CCDC3: variants seen among roughly 807,000 people sequenced by gnomAD.
The protein encoded by CCDC3 is coiled-coil domain containing 3.
In CCDC3, 24 loss-of-function variants were observed where a neutral mutation model predicts 21.4. The observed-to-expected ratio is 1.12, with a 90% CI of 0.81 to 1.58. CCDC3 has a LOEUF of 1.58. CCDC3 is among the 40% of genes most tolerant of loss of function. The probability of loss-of-function intolerance (pLI) is 0.00; values close to 1 mark genes in which losing one functional copy is unlikely to be tolerated. For synonymous variants in CCDC3, 186 were observed against 166.0 expected, an observed-to-expected ratio of 1.12 and a Z score of -0.93; for missense variants, 425 against 360.9, an observed-to-expected ratio of 1.18 and a Z score of -1.44.
chr10:12,898,844 C>G (rs1248829822), intron 2 of CCDC3, among the ~76,000 whole-genome samples, 165 bp from the exon 3 acceptor site: 6 of 152,192 alleles, frequency 3.9e-5, no homozygotes, highest in Non-Finnish European at 7.3e-5. Context: ...TGACATTCCC[C>G]GCCCTCCACC....
intron 3 of CCDC3, among the ~76,000 whole-genome samples, chr10:13,093,200 G>T (rs543012708): frequency 2.0e-5 from 3 of 152,122 alleles, no homozygotes; most frequent in Admixed American, 6.6e-5. Flanking sequence ...ACAGTTCCAC[G>T]TGGCTGGGGA....
chr10:12,969,603 T>C (rs890727219), intron 2 of CCDC3, among the ~76,000 whole-genome samples: 3 of 151,400 alleles, frequency 2.0e-5, no homozygotes, highest in Non-Finnish European at 4.4e-5. Flanking sequence ...TAAGTGTTTA[T>C]TGACAGATGA....
chr10:13,065,930 T>G (rs1324199861), intron 4 of CCDC3, among the ~76,000 whole-genome samples: 1 of 152,170 alleles, frequency 6.6e-6, no homozygotes, highest in Non-Finnish European at 1.5e-5. Flanking sequence ...ATTAATAAGT[T>G]CAGGAAAGAA....
At chr10:13,079,938 A>T (rs1837014851) in intron 3 of CCDC3, among the ~76,000 whole-genome samples, 1 of 152,250 alleles carries the variant, frequency 6.6e-6, no homozygotes, top group South Asian at 2.1e-4. Flanking sequence ...AGGGAACTCA[A>T]GAATGCAAAG....
chr10:13,049,689 T>C (rs748330519), exon 5 of CCDC3: 1 of 152,188 alleles, frequency 6.6e-6, no homozygotes, highest in Non-Finnish European at 1.5e-5. Flanking sequence ...AAGGGGAGTT[T>C]GGCAGCTGAA....
At chr10:13,093,780 T>G (rs1409081065) in intron 3 of CCDC3, among the ~76,000 whole-genome samples, 1 of 152,096 alleles carries the variant, frequency 6.6e-6, no homozygotes, top group African/African-American at 2.4e-5. Context: ...AAAAAATAAG[T>G]GAGATGGAAA....
intron 5 of CCDC3, among the ~76,000 whole-genome samples, chr10:13,039,109 C>G (rs908795628): frequency 4.6e-5 from 7 of 152,170 alleles, no homozygotes; most frequent in Non-Finnish European, 1.0e-4. Flanking sequence ...GGTCATCTAT[C>G]CATCCCTCTT....
At chr10:12,917,443 A>G (rs2439127) in intron 2 of CCDC3, among the ~76,000 whole-genome samples, 3 of 151,488 alleles carry the variant, frequency 2.0e-5, no homozygotes, top group African/African-American at 4.9e-5. Flanking sequence ...TGATCCGCCC[A>G]CCTCGGCCTC....
intron 1 of CCDC3, among the ~76,000 whole-genome samples, chr10:13,000,435 T>C (rs1202585619): frequency 6.6e-6 from 1 of 152,156 alleles, no homozygotes; most frequent in African/African-American, 2.4e-5. Flanking sequence ...CTTCAGAAGA[T>C]TCCAGTGGTC....
intron 5 of CCDC3, among the ~76,000 whole-genome samples, chr10:13,042,866 G>A (rs61235167): frequency 0.25 from 35,368 of 141,262 alleles, 4,695 homozygotes; most frequent in East Asian, 0.53. Flanking sequence ...CCGAGATGGC[G>A]CCACTGCACT....
intron 2 of CCDC3, among the ~76,000 whole-genome samples, chr10:12,984,011 C>G (rs886781111): frequency 3.3e-5 from 5 of 152,246 alleles, no homozygotes; most frequent in South Asian, 2.1e-4. Flanking sequence ...CCCCGGGAGA[C>G]AGAGGCTGCA....
intron 2 of CCDC3, among the ~76,000 whole-genome samples, chr10:12,902,556 G>A (rs940347818): frequency 6.6e-6 from 1 of 152,192 alleles, no homozygotes; most frequent in African/African-American, 2.4e-5. Context: ...AAGAGGATTG[G>A]GGTTTTGGAA....
chr10:12,947,331 G>A (rs1564294477), intron 2 of CCDC3, among the ~76,000 whole-genome samples: 1 of 151,836 alleles, frequency 6.6e-6, no homozygotes. Flanking sequence ...TATTTTCAGT[G>A]GAGACATGGT....
intron 5 of CCDC3, among the ~76,000 whole-genome samples, chr10:13,019,549 A>G (rs1836118947): frequency 6.6e-6 from 1 of 152,224 alleles, no homozygotes; most frequent in Non-Finnish European, 1.5e-5. Context: ...TCTACCCCTA[A>G]GTAAAGTACT....
intron 2 of CCDC3, among the ~76,000 whole-genome samples, chr10:12,909,701 T>C (rs1186150129): frequency 2.0e-5 from 3 of 152,126 alleles, no homozygotes; most frequent in Non-Finnish European, 4.4e-5. Flanking sequence ...GGACTAACGG[T>C]GCAGGGTACC....
At chr10:13,017,254 C>T (rs866606374) in intron 5 of CCDC3, among the ~76,000 whole-genome samples, 1 of 151,858 alleles carries the variant, frequency 6.6e-6, no homozygotes, top group Non-Finnish European at 1.5e-5. Flanking sequence ...CGGTGGCTCA[C>T]GTCTGTAATC....
At chr10:13,015,136 T>G (rs1836037578) in intron 5 of CCDC3, among the ~76,000 whole-genome samples, 1 of 152,008 alleles carries the variant, frequency 6.6e-6, no homozygotes, top group African/African-American at 2.4e-5. Context: ...GTTCTTGGGG[T>G]GCTGGGTTGA....
chr10:12,983,390 T>C (rs902338401), intron 2 of CCDC3, among the ~76,000 whole-genome samples: 19 of 150,904 alleles, frequency 1.3e-4, no homozygotes, highest in Non-Finnish European at 7.4e-5. Flanking sequence ...CTGGGCAACA[T>C]GGTGAAACCT....
chr10:13,063,912 GTTTTT>G (rs370975916), intron 4 of CCDC3, among the ~76,000 whole-genome samples: 2 of 150,620 alleles, frequency 1.3e-5, no homozygotes, highest in African/African-American at 4.9e-5. Flanking sequence ...AGTGTGAGTC[GTTTTT>G]TTTTGTTGTT....
Sources: gnomAD v4.1 joint callset for allele counts (sites outside exome capture counted in the v4.1 genomes callset) on GRCh38, gnomAD v4.1.1 for gene constraint, MANE v1.5 for transcripts, NCBI Gene and HGNC (gene_info 2026-07-23, HGNC 2026-07-21) for gene names.